Variants in EPSTI1 observed in about 807,000 individuals in gnomAD.
EPSTI1 encodes epithelial-stromal interaction protein 1.
EPSTI1 carries 66 observed loss-of-function variants against 49.9 expected under a neutral mutation model. That is an observed-to-expected ratio of 1.32 (90% CI 1.08 to 1.62). The LOEUF (loss-of-function observed/expected upper bound fraction) is 1.62, where lower values mean the gene tolerates loss of function less well. Among genes scored for constraint, EPSTI1 ranks in the 40% most tolerant of loss-of-function variants. The pLI, the probability that EPSTI1 is intolerant of heterozygous loss-of-function variation, is 0.00. For synonymous variants in EPSTI1, 137 were observed against 130.7 expected, an observed-to-expected ratio of 1.05 and a Z score of -0.33; for missense variants, 394 against 365.5, an observed-to-expected ratio of 1.08 and a Z score of -0.64.
At chr13:42,926,230 G>A in intron 7 of EPSTI1, 106 bp downstream of exon 7, 1 of 760,380 alleles carries the variant, frequency 1.3e-6, no homozygotes, top group African/African-American at 1.7e-5. Flanking sequence ...TCTGTCTTTA[G>A]TTCCAGCATT....
chr13:42,967,793 C>T (rs537194352), intron 3 of EPSTI1, among the ~76,000 whole-genome samples: 17 of 152,272 alleles, frequency 1.1e-4, no homozygotes, highest in Non-Finnish European at 1.5e-5. Context: ...AGGATCACTG[C>T]ATTACGAACC....
chr13:42,889,408 T>C (rs1225033840), intron 10 of EPSTI1, among the ~76,000 whole-genome samples: 3 of 152,176 alleles, frequency 2.0e-5, no homozygotes, highest in African/African-American at 7.2e-5. Flanking sequence ...CTTAAGTGTC[T>C]ATATGACATT....
At chr13:42,963,108 A>G in intron 5 of EPSTI1, 147 bp downstream of exon 5, 1 of 714,584 alleles carries the variant, frequency 1.4e-6, no homozygotes, top group Non-Finnish European at 2.4e-6. Flanking sequence ...GAAGGAAAAA[A>G]ACTGGATGAG....
At chr13:42,911,657 T>C (rs1174442242) in intron 8 of EPSTI1, among the ~76,000 whole-genome samples, 2 of 152,224 alleles carry the variant, frequency 1.3e-5, no homozygotes, top group East Asian at 3.8e-4. Context: ...TCTATGGTTC[T>C]AGTCCCTCAT....
At position 42,917,633 on chromosome 13, in the gene EPSTI1, GT is replaced by G; in HGVS notation, c.658-10del. 2 of 292,832 alleles carry G rather than the reference GT, an allele frequency of 6.8e-6. No individual in the cohort carries two copies. Among genetic ancestry groups the G allele is most frequent in the East Asian group, 8.7e-5 (1 of 11,542 alleles). 18.1% of individuals were successfully genotyped at this position (292,832 alleles called of 1,614,324 possible). A position where few individuals can be genotyped will look rare whatever the true frequency, so the allele number is the denominator to read the frequency against. The stretch of plus-strand genomic sequence containing the variant: ...TAAGCCCAGCTTCTGGCCTGTAAAG[GT>G]ACAAAGAGAAAAAAAAAAAAAAAAA... On this transcript the variant is annotated splice_polypyrimidine_tract_variant and intron_variant, in intron 7 of 10. Transcript: ENST00000313624.
At chr13:42,955,604 C>T (rs1346004184) in intron 5 of EPSTI1, among the ~76,000 whole-genome samples, 1 of 152,022 alleles carries the variant, frequency 6.6e-6, no homozygotes, top group African/African-American at 2.4e-5. Flanking sequence ...GAGTTCAAGA[C>T]CAGTCTGGCC....
rs920909139 is a variant in EPSTI1 at position 42,949,164 on chromosome 13, A to G, written c.563+4784T>C. ...TTACCCCAAAATATATTTCTTTGGCATATTTTGAAATGGCCCTGTAAAGCT... is the reference window on the plus strand; with the variant it reads ...TTACCCCAAAATATATTTCTTTGGCGTATTTTGAAATGGCCCTGTAAAGCT... On this transcript the variant is annotated intron_variant, in intron 6 of 10. Transcript: ENST00000313624. 2.6e-5 allele frequency among the ~76,000 whole-genome samples: 4 copies of G among 152,244 alleles called. No individual in the cohort carries two copies. In the East Asian group the frequency reaches 7.7e-4, roughly 29 times the overall value.
At chr13:42,979,711 G>A (rs2039954064) in intron 1 of EPSTI1, among the ~76,000 whole-genome samples, 1 of 150,714 alleles carries the variant, frequency 6.6e-6, no homozygotes, top group Admixed American at 6.6e-5. Flanking sequence ...TCCCACATTT[G>A]CTTTTTCTCT....
intron 6 of EPSTI1, among the ~76,000 whole-genome samples, chr13:42,951,378 C>T (rs1376192786): frequency 1.3e-5 from 2 of 152,214 alleles, no homozygotes; most frequent in Non-Finnish European, 2.9e-5. Flanking sequence ...GAACCTCACA[C>T]ATATACCTCT....
rs1391252157 is a variant in EPSTI1 at position 42,911,262 on chromosome 13, T to TGCGC, written c.741+6278_741+6279insGCGC. On this transcript the variant is annotated intron_variant, in intron 8 of 10. Coordinates refer to ENST00000313624, the MANE Select transcript of EPSTI1 (RefSeq NM_033255.5). The stretch of plus-strand genomic sequence containing the variant: ...GAGAGAGAGTGTGTGTGTGTGTGTG[T>TGCGC]GTGCGCGCGCACGCGCGCACACGTG... Among the ~76,000 whole-genome samples the TGCGC allele has an allele frequency of 5.2e-5, 6 of 116,230 alleles. No individual in the cohort carries two copies. The Admixed American group carries it at 5.5e-4, about 11-fold the overall frequency. The allele number at this position is 116,230 out of a possible 152,430, so 76.3% of individuals were successfully genotyped here.
chr13:42,888,148 A>G lies in EPSTI1; in HGVS notation c.*346T>C. Reference sequence around the variant, plus strand: ...AGAATTAGATAAGAATATGTCACTTAGAAAGACAAGCCTGTAGCACCCATA... The same window carrying G: ...AGAATTAGATAAGAATATGTCACTTGGAAAGACAAGCCTGTAGCACCCATA... On this transcript the variant is annotated 3_prime_UTR_variant, in exon 11 of 11. Transcript: ENST00000313624. 1 of 1,370,174 alleles carries G rather than the reference A, an allele frequency of 7.3e-7. No homozygotes were observed. Among genetic ancestry groups the G allele is most frequent in the African/African-American group, 1.4e-5 (1 of 69,116 alleles). 84.9% of individuals were successfully genotyped at this position (1,370,174 alleles called of 1,614,324 possible).
At chr13:42,976,613 C>A (rs9567083) in intron 1 of EPSTI1, among the ~76,000 whole-genome samples, 80,175 of 151,926 alleles carry the variant, frequency 0.53, 21,336 homozygotes, top group Middle Eastern at 0.76. Context: ...GATTATGTTT[C>A]TGTCTCAAGC....
In EPSTI1 at chr13:42,941,447, T is replaced by C. The variant is rs531315763; in HGVS notation, c.563+12501A>G. Among the ~76,000 whole-genome samples, 9 of 152,140 alleles carry C rather than the reference T, an allele frequency of 5.9e-5. No individual in the cohort carries two copies. In the East Asian group the frequency reaches 1.7e-3, roughly 29 times the overall value. ...TTTCCCCAATAGTCATTTTTAAAGA[T>C]AGTTTAAATTTTTTAATTAAAAAAT... is the stretch of plus-strand genomic sequence containing the variant. On this transcript the variant is annotated intron_variant, in intron 6 of 10. Transcript: ENST00000313624.
chr13:42,927,763 T>C (rs1257071729), intron 6 of EPSTI1, among the ~76,000 whole-genome samples: 2 of 152,200 alleles, frequency 1.3e-5, no homozygotes, highest in Non-Finnish European at 2.9e-5. Context: ...CCATTTGTCT[T>C]AGATTACTTA....
intron 8 of EPSTI1, among the ~76,000 whole-genome samples, chr13:42,907,943 C>T (rs1328711102): frequency 6.6e-6 from 1 of 152,158 alleles, no homozygotes; most frequent in African/African-American, 2.4e-5. Context: ...AATACATCCA[C>T]ACATGCAGAG....
At chr13:42,912,474 C>T (rs971426478) in intron 8 of EPSTI1, among the ~76,000 whole-genome samples, 1 of 152,156 alleles carries the variant, frequency 6.6e-6, no homozygotes, top group Non-Finnish European at 1.5e-5. Context: ...CTACTCCACA[C>T]AGAAGACAAG....
intron 1 of EPSTI1, among the ~76,000 whole-genome samples, chr13:42,981,320 CTT>C (rs1004543700): frequency 5.3e-5 from 8 of 152,154 alleles, no homozygotes; most frequent in Non-Finnish European, 1.0e-4. Context: ...ACTCTACTGA[CTT>C]TGAAGTAAGT....
At chr13:42,893,549 C>T (rs1487757786) in intron 10 of EPSTI1, among the ~76,000 whole-genome samples, 2 of 152,146 alleles carry the variant, frequency 1.3e-5, no homozygotes, top group African/African-American at 4.8e-5. Flanking sequence ...GGAAACAATG[C>T]TCCTCTCTTT....
At chr13:42,919,805 T>C (rs911594171) in intron 7 of EPSTI1, among the ~76,000 whole-genome samples, 130 of 152,270 alleles carry the variant, frequency 8.5e-4, no homozygotes, top group African/African-American at 3.0e-3. Context: ...CATGAGCAAA[T>C]GGAAAATAGC....
Sources: allele counts gnomAD v4.1 joint callset (sites outside exome capture counted in the v4.1 genomes callset), GRCh38; gene constraint gnomAD v4.1.1; transcripts MANE v1.5; gene names NCBI Gene and HGNC (gene_info 2026-07-23, HGNC 2026-07-21).